The following DTNBP1 variants were observed in gnomAD, a reference collection of about 807,000 sequenced individuals.
DTNBP1 encodes the protein dystrobrevin binding protein 1.
A neutral mutation model predicts 42.8 loss-of-function variants in DTNBP1; 35 were observed. That is an observed-to-expected ratio of 0.82 (90% CI 0.63 to 1.09). The LOEUF is 1.09. Among genes scored for constraint, DTNBP1 ranks in the 50% least tolerant of loss-of-function variants. DTNBP1 has a pLI of 0.00. For missense variants in DTNBP1, 457 were observed against 424.2 expected, an observed-to-expected ratio of 1.08 and a Z score of -0.68; for synonymous variants, 171 against 162.2, an observed-to-expected ratio of 1.05 and a Z score of -0.41.
intron 7 of DTNBP1, among the ~76,000 whole-genome samples, chr6:15,551,973 C>T (rs556085983): frequency 1.0e-3 from 152 of 152,282 alleles, no homozygotes; most frequent in Middle Eastern, 3.4e-3. Flanking sequence ...GCTCAGGAAA[C>T]AGCAGCACAG....
intron 7 of DTNBP1, among the ~76,000 whole-genome samples, chr6:15,569,519 G>C (rs1414649620): frequency 1.3e-5 from 2 of 152,150 alleles, no homozygotes; most frequent in Non-Finnish European, 2.9e-5. Context: ...GGGAGGCGAT[G>C]TGCGGTTTCC....
intron 6 of DTNBP1, among the ~76,000 whole-genome samples, chr6:15,605,429 C>T (rs1047927418): frequency 2.0e-5 from 3 of 152,194 alleles, no homozygotes; most frequent in Non-Finnish European, 2.9e-5. Context: ...CTTACTCAAA[C>T]CTCTTCTCAC....
chr6:15,581,478 GT>G (rs68011795), intron 7 of DTNBP1, among the ~76,000 whole-genome samples: 1,189 of 90,364 alleles, frequency 0.013, 6 homozygotes, highest in Middle Eastern at 0.051. Flanking sequence ...GCGCCCGACT[GT>G]TTTTTTTTTT....
At chr6:15,548,627 T>G (rs1774030973) in intron 7 of DTNBP1, among the ~76,000 whole-genome samples, 1 of 152,230 alleles carries the variant, frequency 6.6e-6, no homozygotes, top group Non-Finnish European at 1.5e-5. Context: ...GATGGAATTT[T>G]CTCAGTAAGA....
intron 4 of DTNBP1, among the ~76,000 whole-genome samples, chr6:15,630,441 C>T (rs893657145): frequency 2.0e-5 from 3 of 152,256 alleles, no homozygotes; most frequent in Admixed American, 1.3e-4. Flanking sequence ...TTAAACAAAA[C>T]CATGAATCTT....
intron 9 of DTNBP1, chr6:15,523,430 C>T (rs1387463483): frequency 1.6e-6 from 2 of 1,265,422 alleles, no homozygotes; most frequent in Non-Finnish European, 2.1e-6. Context: ...ACCCTTCTGT[C>T]CCCTAAGGAG....
chr6:15,632,976 G>C (rs978519659), intron 4 of DTNBP1, among the ~76,000 whole-genome samples: 2 of 152,110 alleles, frequency 1.3e-5, no homozygotes, highest in East Asian at 1.9e-4. Flanking sequence ...TTATATTTAA[G>C]CTTGATACAC....
intron 1 of DTNBP1, chr6:15,660,262 G>T: frequency 1.1e-6 from 1 of 879,312 alleles, no homozygotes; most frequent in Non-Finnish European, 1.6e-6. Context: ...ACACATGTGT[G>T]CTGTGTTTAG....
At chr6:15,606,523 T>C (rs973068645) in intron 6 of DTNBP1, among the ~76,000 whole-genome samples, 6 of 152,094 alleles carry the variant, frequency 3.9e-5, no homozygotes, top group Non-Finnish European at 8.8e-5. Flanking sequence ...ACTCCAAAAA[T>C]TGCTGCCCTG....
intron 1 of DTNBP1, 70 bp downstream of exon 1, chr6:15,662,744 C>A: frequency 6.3e-7 from 1 of 1,593,468 alleles, no homozygotes; most frequent in Non-Finnish European, 8.6e-7. Context: ...GGGAAGGGAG[C>A]GAGGCAGGGG....
rs1489206360 is a variant in DTNBP1 at position 15,662,847 on chromosome 6, C to G, written c.23G>C (p.Arg8Pro). 1 of 1,609,336 alleles carries G rather than the reference C, an allele frequency of 6.2e-7. No homozygotes were observed. The highest frequency in any genetic ancestry group is 1.1e-5 in the South Asian group (1 of 91,074). The change falls in exon 1 of 10, where the codon CGG becomes CCG. Residue 8 changes from arginine (R) to proline (P), a missense_variant. Transcript: ENST00000344537. MLETLRE[R>P]LLSVQQDFTS... is the part of the protein sequence containing the mutation. The stretch of plus-strand genomic sequence containing the variant: ...GAAATCCTGCTGCACGCTCAGCAGC[C>G]GCTCGCGAAGGGTCTCCAGCATTGC...
At chr6:15,527,257 A>G (rs1421212227) in intron 8 of DTNBP1, among the ~76,000 whole-genome samples, 3 of 152,202 alleles carry the variant, frequency 2.0e-5, no homozygotes, top group Admixed American at 6.5e-5. Context: ...CAATGAAAAC[A>G]TAATATCCAT....
chr6:15,527,121 G>A (rs1217701449), intron 8 of DTNBP1, among the ~76,000 whole-genome samples: 26 of 152,168 alleles, frequency 1.7e-4, no homozygotes, highest in Non-Finnish European at 1.5e-5. Flanking sequence ...ATTTTAATGG[G>A]AAACAAAAGT....
intron 8 of DTNBP1, among the ~76,000 whole-genome samples, chr6:15,527,528 C>T (rs886439186): frequency 1.3e-5 from 2 of 152,042 alleles, no homozygotes; most frequent in African/African-American, 4.8e-5. Flanking sequence ...AAATGGTACC[C>T]CTGCAAGAAA....
intron 5 of DTNBP1, among the ~76,000 whole-genome samples, chr6:15,625,485 A>G (rs1759286947): frequency 6.6e-6 from 1 of 152,244 alleles, no homozygotes; most frequent in Admixed American, 6.5e-5. Flanking sequence ...TACCTTGTGC[A>G]TTTAAGAAGC....
Position 15,651,344 on chromosome 6 carries a change from T to C in DTNBP1, c.130A>G (p.Lys44Glu), listed in dbSNP as rs1422270994. 2 of 1,611,842 alleles carry C rather than the reference T, an allele frequency of 1.2e-6. No individual in the cohort carries two copies. The highest frequency in any genetic ancestry group is 1.3e-5 in the African/African-American group (1 of 74,834). ...AGTAATTCTAATCCAGCAGAGTACT[T>C]TGGCAAAAATGGAACAGTCCTGCCC... Reference protein sequence around the residue: ...SKPRTVPFLPKYSAGLELLSR... With the variant: ...SKPRTVPFLPEYSAGLELLSR... The change falls in exon 3 of 10, where the codon AAG becomes GAG. Residue 44 changes from lysine (K) to glutamate (E), a missense_variant. Transcript: ENST00000344537.
chr6:15,610,780 T>C (rs1487595236), intron 6 of DTNBP1, among the ~76,000 whole-genome samples: 1 of 152,138 alleles, frequency 6.6e-6, no homozygotes, highest in Non-Finnish European at 1.5e-5. Context: ...CAGAGCAAGG[T>C]TCCAACTCTC....
chr6:15,522,840 T>C lies in DTNBP1; in HGVS notation c.*135A>G. On this transcript the variant is annotated 3_prime_UTR_variant, in exon 10 of 10. Transcript: ENST00000344537. ...CCTCACACTTTATTGTTAGCTGTTC[T>C]TTAAGTTTCTCACACATTATTGGCA... The C allele has an allele frequency of 4.7e-6, 7 of 1,487,634 alleles. No individual in the cohort carries two copies. In the Admixed American group the frequency reaches 8.5e-5, roughly 18 times the overall value. 92.2% of individuals were successfully genotyped at this position (1,487,634 alleles called of 1,614,324 possible).
chr6:15,547,480 TATAA>T (rs915200372), intron 7 of DTNBP1, among the ~76,000 whole-genome samples: 1 of 152,232 alleles, frequency 6.6e-6, no homozygotes, highest in African/African-American at 2.4e-5. Context: ...TTTGACCTTG[TATAA>T]ATATTTATAC....
Sources: gnomAD v4.1 joint callset for allele counts (sites outside exome capture counted in the v4.1 genomes callset) on GRCh38, gnomAD v4.1.1 for gene constraint, MANE v1.5 for transcripts, NCBI Gene and HGNC (gene_info 2026-07-23, HGNC 2026-07-21) for gene names.